The following ARID4A variants were observed in gnomAD, a reference collection of about 807,000 sequenced individuals.
The protein encoded by ARID4A is AT-rich interaction domain 4A.
A neutral mutation model predicts 148.6 loss-of-function variants in ARID4A; 39 were observed. The observed-to-expected ratio is 0.26, with a 90% CI of 0.20 to 0.34. The LOEUF is 0.34. Ranked by LOEUF, ARID4A falls within the 10% of genes least tolerant of loss-of-function variation. The pLI, the probability that ARID4A is intolerant of heterozygous loss-of-function variation, is 1.00. For synonymous variants in ARID4A, 475 were observed against 481.2 expected (o/e 0.99, Z 0.17); for missense variants, 1,265 against 1,449.1 (o/e 0.87, Z 2.06).
At chr14:58,337,768 T>C (rs1158719240) in intron 11 of ARID4A, among the ~76,000 whole-genome samples, 1 of 152,380 alleles carries the variant, frequency 6.6e-6, no homozygotes, top group South Asian at 2.1e-4. Context: ...TTGTTCCACT[T>C]ACTCCAGGTA....
In ARID4A at chr14:58,323,540, C is replaced by T. The variant is rs146397124; in HGVS notation, c.505C>T (p.Arg169Cys). 3.4e-5 allele frequency: 55 copies of T among 1,614,036 alleles called. 2 individuals are homozygous for T. The South Asian group carries it at 3.5e-4, about 10-fold the overall frequency. Residue 169 changes from arginine to cysteine, a missense_variant, in exon 8 of 24, where the codon CGT (arginine) becomes TGT (cysteine). Around this residue, in one of 9 missense-constraint regions of ARID4A, gnomAD observed 249 missense variants for 277.2 expected, o/e 0.90. Transcript: ENST00000355431. ...TGAAGAGGAAGATGAAGACAAGCGC[C>T]GTCTCAATGATGAATTACTAGGAAA... ...SSEEEDEDKRRLNDELLGKVV... is the reference protein window; with the variant it reads ...SSEEEDEDKRCLNDELLGKVV...
intron 17 of ARID4A, among the ~76,000 whole-genome samples, chr14:58,355,145 C>T (rs1388201157): frequency 3.3e-5 from 5 of 152,176 alleles, no homozygotes; most frequent in Non-Finnish European, 7.3e-5. Flanking sequence ...CAAAATCTGG[C>T]ATATTTAATA....
Position 58,364,248 on chromosome 14 carries a change from A to T in ARID4A, c.2159A>T (p.Glu720Val), listed in dbSNP as rs757593057. 3.3e-6 allele frequency: 5 copies of T among 1,534,322 alleles called. No individual in the cohort carries two copies. Among genetic ancestry groups the T allele is most frequent in the Non-Finnish European group, 4.4e-6 (5 of 1,148,274 alleles). ...AATGAAGAACTTTCTCTTAAAGATG[A>T]ACTAGAAAAAAATGAAAATTTGAAT... Reference protein sequence around the residue: ...LINEELSLKDELEKNENLNDD... With the variant: ...LINEELSLKDVLEKNENLNDD... Residue 720 changes from glutamate to valine, a missense_variant, in exon 20 of 24, where the codon GAA becomes GTA. Glu to Val is a moderately radical substitution (Grantham distance 121). This residue lies in a region of ARID4A where 666 missense variants were observed against 730.9 expected (regional missense o/e 0.91). Transcript: ENST00000355431.
intron 9 of ARID4A, 41 bp from the exon 10 acceptor site, chr14:58,329,487 A>G (rs2140190088): frequency 7.6e-7 from 1 of 1,312,258 alleles, no homozygotes; most frequent in East Asian, 2.3e-5. Context: ...GATAATTTTT[A>G]TTGAATAAAT....
At position 58,366,995 on chromosome 14, in the gene ARID4A, G is replaced by A. The variant is rs773881279; in HGVS notation, c.3636G>A (p.Arg1212=). The A allele has an allele frequency of 6.7e-7, 1 of 1,500,432 alleles. No homozygotes were observed. The highest frequency in any genetic ancestry group is 8.8e-7 in the Non-Finnish European group (1 of 1,132,968). 92.9% of individuals were successfully genotyped at this position (1,500,432 alleles called of 1,614,324 possible). ...AGTCTGAAGTTGCAACCATAGACAGGAGGAGAAAAAGATTAAAAAAGAAAG... is the reference window on the plus strand; with the variant it reads ...AGTCTGAAGTTGCAACCATAGACAGAAGGAGAAAAAGATTAAAAAAGAAAG... ...SLKSEVATID[R]RRKRLKKKDR... The change falls in exon 23 of 24, where the codon AGG becomes AGA. Residue 1212 remains arginine (R), a synonymous_variant. Transcript: ENST00000355431.
At chr14:58,343,002 A>G (rs2034187183) in intron 11 of ARID4A, among the ~76,000 whole-genome samples, 1 of 152,118 alleles carries the variant, frequency 6.6e-6, no homozygotes, top group Non-Finnish European at 1.5e-5. Context: ...CCAGTCTGGC[A>G]TAAGTGGTTT....
chr14:58,351,795 C>T (rs1217476716), intron 16 of ARID4A: 3 of 152,284 alleles, frequency 2.0e-5, no homozygotes, highest in Non-Finnish European at 4.4e-5. Flanking sequence ...GGCATGCACC[C>T]CTGATTCTAG....
chr14:58,323,518 AGAG>A lies in ARID4A; in HGVS notation c.486_488del (p.Glu163del). On this transcript the variant is annotated inframe_deletion, in exon 8 of 24. Coordinates refer to ENST00000355431, the MANE Select transcript of ARID4A (RefSeq NM_002892.4). ...ATGAAAAGGAAGAAGAAAGCAGTGA[AGAG>A]GAAGATGAAGACAAGCGCCGTCTCA... 1 of 1,614,088 alleles carries A rather than the reference AGAG, an allele frequency of 6.2e-7. No homozygotes were observed. Among genetic ancestry groups the A allele is most frequent in the Non-Finnish European group, 8.5e-7 (1 of 1,179,952 alleles).
At chr14:58,351,381 G>T in intron 16 of ARID4A, 58 bp downstream of exon 16, 1 of 1,542,982 alleles carries the variant, frequency 6.5e-7, no homozygotes, top group Admixed American at 2.2e-5. Flanking sequence ...ACAGCGCTTT[G>T]TTCCTGCTTA....
intron 7 of ARID4A, among the ~76,000 whole-genome samples, chr14:58,320,489 C>T (rs984114114): frequency 6.6e-6 from 1 of 152,204 alleles, no homozygotes. Context: ...CCCCAGTTCC[C>T]CTGATTACAG....
intron 11 of ARID4A, among the ~76,000 whole-genome samples, chr14:58,343,644 A>G (rs149701697): frequency 3.3e-5 from 5 of 152,142 alleles, no homozygotes; most frequent in African/African-American, 9.6e-5. Flanking sequence ...GCCTGGCCAA[A>G]TGGTGAGACC....
intron 21 of ARID4A, 81 bp downstream of exon 21, chr14:58,365,703 C>G (rs1256120984): frequency 7.5e-6 from 9 of 1,205,410 alleles, no homozygotes; most frequent in African/African-American, 1.5e-5. Context: ...ATAAATGGAG[C>G]AATACTATAT....
rs1001306879 is a variant in ARID4A at position 58,373,086 on chromosome 14, G to A, written c.*1097G>A. The A allele has an allele frequency of 2.0e-5, 4 of 198,584 alleles. No individual in the cohort carries two copies. The highest frequency in any genetic ancestry group is 4.6e-5 in the African/African-American group (2 of 43,372). 12.3% of individuals were successfully genotyped at this position (198,584 alleles called of 1,614,324 possible). A position where few individuals can be genotyped will look rare whatever the true frequency, so the allele number is the denominator to read the frequency against. ...ATGGGCATCTGGATCATTAAAGTAT[G>A]TCCTTGTTTAGAAACTTTGGCAGTC... is the stretch of plus-strand genomic sequence containing the variant. On this transcript the variant is annotated 3_prime_UTR_variant, in exon 24 of 24. Transcript: ENST00000355431.
intron 17 of ARID4A, among the ~76,000 whole-genome samples, chr14:58,356,512 G>C (rs533555006): frequency 5.9e-4 from 90 of 152,106 alleles, no homozygotes; most frequent in African/African-American, 2.1e-3. Context: ...ATGTTTAAAA[G>C]CCTAATATGA....
chr14:58,305,248 C>T (rs1470938969), intron 4 of ARID4A, among the ~76,000 whole-genome samples: 1 of 151,988 alleles, frequency 6.6e-6, no homozygotes, highest in East Asian at 1.9e-4. Context: ...AAGTTTTTCA[C>T]CTACCTTTCT....
At chr14:58,317,449 T>A (rs2032520993) in intron 5 of ARID4A, among the ~76,000 whole-genome samples, 1 of 148,168 alleles carries the variant, frequency 6.7e-6, no homozygotes, top group South Asian at 2.2e-4. Flanking sequence ...CACGTCTGGC[T>A]AATTTTTTTT....
chr14:58,366,921 T>C lies in ARID4A; in HGVS notation c.3562T>C (p.Phe1188Leu). ...DNMNSTERISFLQEKLQEIRK... is the reference protein window; with the variant it reads ...DNMNSTERISLLQEKLQEIRK... The stretch of plus-strand genomic sequence containing the variant: ...TATGAACAGTACAGAGAGAATCTCA[T>C]TTCTCCAAGAAAAACTACAGGAAAT... Residue 1188 changes from phenylalanine (F) to leucine (L), a missense_variant, in exon 23 of 24, where the codon TTT becomes CTT. Phe to Leu is a conservative substitution (Grantham distance 22). This residue lies in a region of ARID4A where 666 missense variants were observed against 730.9 expected (regional missense o/e 0.91). Coordinates refer to ENST00000355431, the MANE Select transcript of ARID4A (RefSeq NM_002892.4). The C allele has an allele frequency of 6.6e-7, 1 of 1,517,622 alleles. No homozygotes were observed. The highest frequency in any genetic ancestry group is 2.5e-5 in the Admixed American group (1 of 40,164). The allele number at this position is 1,517,622 out of a possible 1,614,324, so 94.0% of individuals were successfully genotyped here.
At chr14:58,306,272 A>T (rs1372219173) in intron 5 of ARID4A, among the ~76,000 whole-genome samples, 160 bp downstream of exon 5, 1 of 152,182 alleles carries the variant, frequency 6.6e-6, no homozygotes, top group Non-Finnish European at 1.5e-5. Context: ...CCTGTAGGTA[A>T]CAAAAATAAT....
At chr14:58,314,373 G>T (rs1229700694) in intron 5 of ARID4A, among the ~76,000 whole-genome samples, 1 of 152,106 alleles carries the variant, frequency 6.6e-6, no homozygotes, top group African/African-American at 2.4e-5. Context: ...CTTCTTCATG[G>T]TTTTGATCAT....
Sources: allele counts gnomAD v4.1 joint callset (sites outside exome capture counted in the v4.1 genomes callset), GRCh38; gene constraint gnomAD v4.1.1; regional missense constraint gnomAD v4.1.1; transcripts MANE v1.5; gene names NCBI Gene and HGNC (gene_info 2026-07-23, HGNC 2026-07-21).